FAM107A: variants seen among roughly 807,000 people sequenced by gnomAD.
FAM107A encodes the protein family with sequence similarity 107 member A.
A neutral mutation model predicts 13.7 loss-of-function variants in FAM107A; 19 were observed. The observed-to-expected ratio is 1.38, with a 90% CI of 0.97 to 2.03. The LOEUF is 2.03. Among genes scored for constraint, FAM107A ranks in the 30% most tolerant of loss-of-function variants. FAM107A has a pLI of 0.00. For synonymous variants in FAM107A, 82 were observed against 74.5 expected (o/e 1.10, Z -0.52); for missense variants, 203 against 184.4 (o/e 1.10, Z -0.58).
chr3:58,607,704 C>T (rs926440148), intron 1 of FAM107A: 3 of 152,196 alleles, frequency 2.0e-5, no homozygotes, highest in African/African-American at 7.2e-5. Flanking sequence ...TAAGGTGCCC[C>T]CATGGCAAGG....
At chr3:58,586,735 G>T in intron 1 of FAM107A, 1 of 1,046,304 alleles carries the variant, frequency 9.6e-7, no homozygotes, top group Non-Finnish European at 1.3e-6. Context: ...CGGAAGGTTA[G>T]GAAAGAAGCA....
intron 1 of FAM107A, among the ~76,000 whole-genome samples, chr3:58,621,171 G>A (rs2065951281): frequency 6.6e-6 from 1 of 152,174 alleles, no homozygotes. Flanking sequence ...TAGAGTAAAA[G>A]GGGAGCCCGG....
At chr3:58,598,346 A>C (rs973528270) in intron 1 of FAM107A, among the ~76,000 whole-genome samples, 4 of 152,194 alleles carry the variant, frequency 2.6e-5, no homozygotes, top group African/African-American at 9.7e-5. Context: ...GCCGAGGTGC[A>C]GTAATGAGGG....
chr3:58,576,552 G>C (rs2063732510), intron 1 of FAM107A, among the ~76,000 whole-genome samples: 1 of 152,234 alleles, frequency 6.6e-6, no homozygotes. Flanking sequence ...GCCACCCAGA[G>C]ATGCAGGCGT....
At chr3:58,567,171 G>A (rs765160024) in intron 3 of FAM107A, 37 bp downstream of exon 3, 3 of 1,613,220 alleles carry the variant, frequency 1.9e-6, no homozygotes, top group Non-Finnish European at 1.7e-6. Flanking sequence ...GACAGCCCTG[G>A]AGGATGCGTG....
At chr3:58,577,747 C>G (rs2063742731), upstream of FAM107A, 18 of 985,184 alleles carry the variant, frequency 1.8e-5, no homozygotes, top group South Asian at 8.5e-4. This position sits in a 1 kb window ranked among gnomAD's most constrained non-coding sequence, Gnocchi z 4.9. Flanking sequence ...GGAGGGGAAG[C>G]CAAGCTTCCT....
At chr3:58,612,919 A>T (rs1264443137) in intron 1 of FAM107A, among the ~76,000 whole-genome samples, 2 of 146,176 alleles carry the variant, frequency 1.4e-5, no homozygotes, top group East Asian at 3.9e-4. Flanking sequence ...GCCAGCAGCC[A>T]TGTGGGTCTC....
intron 1 of FAM107A, among the ~76,000 whole-genome samples, chr3:58,600,060 C>A (rs936601623): frequency 1.3e-5 from 2 of 152,046 alleles, no homozygotes; most frequent in Non-Finnish European, 2.9e-5. Context: ...GGTGATAGGA[C>A]AATATCCCAT....
At chr3:58,609,683 C>G (rs750111827) in intron 1 of FAM107A, among the ~76,000 whole-genome samples, 1 of 152,310 alleles carries the variant, frequency 6.6e-6, no homozygotes, top group East Asian at 1.9e-4. Flanking sequence ...GCAATGACTT[C>G]GCTGAGTCCT....
At position 58,570,356 on chromosome 3, in the gene FAM107A, C is replaced by T. The variant is rs975188120; in HGVS notation, c.-5-491G>A. The T allele has an allele frequency of 3.1e-6, 3 of 982,862 alleles. No homozygotes were observed. The African/African-American group carries it at 5.2e-5, about 17-fold the overall frequency. 60.9% of individuals were successfully genotyped at this position (982,862 alleles called of 1,614,324 possible). A position where few individuals can be genotyped will look rare whatever the true frequency, so the allele number is the denominator to read the frequency against. On this transcript the variant is annotated intron_variant, in intron 1 of 3. Transcript: ENST00000360997. ...TTGTCTAACTCTATCCACAGTTCCA[C>T]AACTGTTCAGCTTTTCATTTTCTTC...
chr3:58,594,267 C>T (rs4681696), intron 1 of FAM107A, among the ~76,000 whole-genome samples: 34,707 of 152,042 alleles, frequency 0.23, 4,604 homozygotes, highest in East Asian at 0.46. Context: ...CCTTGGCTAC[C>T]TTCCCCTTGT....
At chr3:58,571,999 A>G (rs1005892114) in intron 1 of FAM107A, among the ~76,000 whole-genome samples, 1 of 152,230 alleles carries the variant, frequency 6.6e-6, no homozygotes. Flanking sequence ...GGCAGCCTTA[A>G]TATTTGTATA....
intron 1 of FAM107A, chr3:58,570,366 G>A: frequency 1.0e-6 from 1 of 984,700 alleles, no homozygotes; most frequent in Non-Finnish European, 1.2e-6. Flanking sequence ...CAACTGTTCA[G>A]CTTTTCATTT....
rs775208828 is a variant in FAM107A at position 58,577,285 on chromosome 3, G to T, written c.-6+24C>A. 23 of 980,746 alleles carry T rather than the reference G, an allele frequency of 2.3e-5. No individual in the cohort carries two copies. Among genetic ancestry groups the T allele is most frequent in the Non-Finnish European group, 2.7e-5 (22 of 825,666 alleles). The allele number at this position is 980,746 out of a possible 1,614,324, so 60.8% of individuals were successfully genotyped here. ...AACGGCACCGCTCTCAACAGCAGATGAAACAGAACAGAGATGGTCTTACTT... is the reference window on the plus strand; with the variant it reads ...AACGGCACCGCTCTCAACAGCAGATTAAACAGAACAGAGATGGTCTTACTT... On this transcript the variant is annotated intron_variant, in intron 1 of 3. Transcript: ENST00000360997. The surrounding 1 kb of genome is among the most constrained non-coding windows in gnomAD (Gnocchi z 4.9).
chr3:58,596,135 G>A lies in FAM107A; in HGVS notation c.-69-6866C>T, dbSNP rs531180899. On this transcript the variant is annotated intron_variant, in intron 1 of 3. Transcript: ENST00000465970. ...TCCTCCTGTCCTTCCTGTGGCCTCCGCCTGCCTCTTTTTCATGTCCTGATT... is the reference window on the plus strand; with the variant it reads ...TCCTCCTGTCCTTCCTGTGGCCTCCACCTGCCTCTTTTTCATGTCCTGATT... Among the ~76,000 whole-genome samples, 25 of 152,204 alleles carry A rather than the reference G, an allele frequency of 1.6e-4. No individual in the cohort carries two copies. The East Asian group carries it at 2.5e-3, about 15-fold the overall frequency.
intron 1 of FAM107A, among the ~76,000 whole-genome samples, chr3:58,570,630 A>G (rs980632484): frequency 7.9e-6 from 1 of 126,498 alleles, no homozygotes; most frequent in Non-Finnish European, 1.7e-5. Flanking sequence ...AGAGAGAGAG[A>G]GAGAGAAAGA....
chr3:58,592,922 C>T (rs917835186), intron 1 of FAM107A, among the ~76,000 whole-genome samples: 9 of 152,204 alleles, frequency 5.9e-5, no homozygotes, highest in African/African-American at 2.2e-4. Context: ...GTAGGCTAGA[C>T]AGGAAATTCA....
In FAM107A at chr3:58,617,593, A is replaced by G. The variant is rs1472654867; in HGVS notation, c.-70+9823T>C. Among the ~76,000 whole-genome samples the G allele has an allele frequency of 2.6e-5, 4 of 152,118 alleles. No homozygotes were observed. Among genetic ancestry groups the G allele is most frequent in the Non-Finnish European group, 5.9e-5 (4 of 68,018 alleles). On this transcript the variant is annotated intron_variant, in intron 1 of 3. Transcript: ENST00000465970. The surrounding 1 kb of genome is among the most constrained non-coding windows in gnomAD (Gnocchi z 4.5). The stretch of plus-strand genomic sequence containing the variant: ...TTGTTTATGTTAGTTTGGGAGACAC[A>G]GTGTTCTGAAAGCCGATCCCTGGGG...
At chr3:58,603,831 A>T (rs1243325739) in intron 1 of FAM107A, among the ~76,000 whole-genome samples, 1 of 140,908 alleles carries the variant, frequency 7.1e-6, no homozygotes, top group African/African-American at 2.5e-5. Flanking sequence ...AATAAAAGGG[A>T]TGTAGGTGGA....
Sources: allele counts gnomAD v4.1 joint callset (sites outside exome capture counted in the v4.1 genomes callset), GRCh38; gene constraint gnomAD v4.1.1; non-coding constraint Gnocchi (gnomAD v3.1); transcripts MANE v1.5; gene names NCBI Gene and HGNC (gene_info 2026-07-23, HGNC 2026-07-21).